Variants in SCAPER observed in about 807,000 individuals in gnomAD.
SCAPER encodes S-phase cyclin A associated protein in the ER, also known as S phase cyclin A-associated protein in the endoplasmic reticulum.
Under a neutral mutation model 182.2 loss-of-function variants are expected in SCAPER, and 98 were observed. That is an observed-to-expected ratio of 0.54 (90% CI 0.46 to 0.64). The LOEUF is 0.64. Ranked by LOEUF, SCAPER falls within the 30% of genes least tolerant of loss-of-function variation. SCAPER has a pLI of 0.00. For synonymous variants in SCAPER, 605 were observed against 564.6 expected, an observed-to-expected ratio of 1.07 and a Z score of -1.01; for missense variants, 1,432 against 1,690.0, an observed-to-expected ratio of 0.85 and a Z score of 2.68.
At chr15:76,563,732 T>C (rs2046821309) in intron 23 of SCAPER, among the ~76,000 whole-genome samples, 2 of 152,136 alleles carry the variant, frequency 1.3e-5, no homozygotes, top group South Asian at 2.1e-4. Context: ...GAGGCCAATA[T>C]CCTTGAAGAA....
chr15:76,723,336 G>A (rs1598376993), intron 17 of SCAPER, among the ~76,000 whole-genome samples: 1 of 152,154 alleles, frequency 6.6e-6, no homozygotes, highest in Non-Finnish European at 1.5e-5. Context: ...GCTGAGGAGT[G>A]TTTTACTTCC....
At chr15:76,571,943 A>G (rs1241677093) in intron 23 of SCAPER, among the ~76,000 whole-genome samples, 1 of 152,176 alleles carries the variant, frequency 6.6e-6, no homozygotes. Context: ...AAAGGATTTT[A>G]GTTATAAAAG....
chr15:76,567,261 T>C (rs2047104266), intron 23 of SCAPER: 1 of 441,420 alleles, frequency 2.3e-6, no homozygotes, highest in Non-Finnish European at 4.6e-6. Context: ...GTCCATTATA[T>C]GAACATACCA....
rs369400470 is a variant in SCAPER at position 76,787,818 on chromosome 15, A to C, written c.772+7462T>G. Reference sequence around the variant, plus strand: ...CTATGGGTAGACAATGAATTCTTAGACTTGATGACAAAAGTATGATCTATT... The same window carrying C: ...CTATGGGTAGACAATGAATTCTTAGCCTTGATGACAAAAGTATGATCTATT... On this transcript the variant is annotated intron_variant, in intron 8 of 31. Transcript: ENST00000563290. Among the ~76,000 whole-genome samples the C allele has an allele frequency of 4.1e-4, 62 of 152,336 alleles. 1 individual carries two copies. The East Asian group carries it at 0.012, about 28-fold the overall frequency.
At chr15:76,351,490 C>G (rs540441848) in intron 30 of SCAPER, among the ~76,000 whole-genome samples, 3 of 152,146 alleles carry the variant, frequency 2.0e-5, no homozygotes, top group Non-Finnish European at 4.4e-5. Context: ...AAATTATCAC[C>G]AGGGGACAAC....
intron 25 of SCAPER, among the ~76,000 whole-genome samples, chr15:76,453,935 G>A (rs2048546773): frequency 6.6e-6 from 1 of 152,110 alleles, no homozygotes; most frequent in Non-Finnish European, 1.5e-5. Context: ...TTAAAATACA[G>A]GGCATTATTT....
intron 28 of SCAPER, among the ~76,000 whole-genome samples, chr15:76,377,281 C>G (rs1319300209): frequency 6.6e-6 from 1 of 152,100 alleles, no homozygotes; most frequent in Non-Finnish European, 1.5e-5. Context: ...TTTAAGAGTG[C>G]CTTTTGTCTG....
At chr15:76,776,569 A>T (rs1375519988) in intron 8 of SCAPER, among the ~76,000 whole-genome samples, 1 of 152,086 alleles carries the variant, frequency 6.6e-6, no homozygotes, top group African/African-American at 2.4e-5. Flanking sequence ...GAGGCAGAAA[A>T]AGTAGTGGGG....
At chr15:76,826,179 T>C (rs948125459) in intron 5 of SCAPER, among the ~76,000 whole-genome samples, 2 of 152,048 alleles carry the variant, frequency 1.3e-5, no homozygotes, top group African/African-American at 2.4e-5. Context: ...CCAACAATGA[T>C]AGACTGGATT....
chr15:76,476,510 C>T (rs2050642520), intron 24 of SCAPER, among the ~76,000 whole-genome samples: 1 of 151,568 alleles, frequency 6.6e-6, no homozygotes, highest in Non-Finnish European at 1.5e-5. Flanking sequence ...CTCAATGCAG[C>T]CTGAAACTCC....
chr15:76,426,873 A>C (rs1415409000), intron 26 of SCAPER, among the ~76,000 whole-genome samples: 1 of 152,240 alleles, frequency 6.6e-6, no homozygotes, highest in East Asian at 1.9e-4. Context: ...AAACAGATAC[A>C]TAGACCAATG....
chr15:76,758,168 A>G (rs1424275101), intron 14 of SCAPER, among the ~76,000 whole-genome samples: 1 of 152,066 alleles, frequency 6.6e-6, no homozygotes, highest in Non-Finnish European at 1.5e-5. Context: ...TATCACCAAG[A>G]TCAATAAGGT....
intron 23 of SCAPER, among the ~76,000 whole-genome samples, chr15:76,560,386 G>A (rs2046524423): frequency 6.6e-6 from 1 of 152,154 alleles, no homozygotes. Flanking sequence ...CTCTTAACAG[G>A]TGCATTATAT....
At chr15:76,454,461 T>A (rs2048581699) in intron 25 of SCAPER, among the ~76,000 whole-genome samples, 1 of 152,182 alleles carries the variant, frequency 6.6e-6, no homozygotes, top group Non-Finnish European at 1.5e-5. Flanking sequence ...TCATTCCCCA[T>A]CTCCCTAACC....
At chr15:76,588,217 C>A (rs539111472) in intron 22 of SCAPER, among the ~76,000 whole-genome samples, 1 of 152,122 alleles carries the variant, frequency 6.6e-6, no homozygotes, top group African/African-American at 2.4e-5. Flanking sequence ...CCACCGCGCC[C>A]GGCCCTGTCT....
At chr15:76,559,820 T>A (rs2046469549) in intron 23 of SCAPER, among the ~76,000 whole-genome samples, 1 of 152,106 alleles carries the variant, frequency 6.6e-6, no homozygotes, top group African/African-American at 2.4e-5. Context: ...TGAAATAACC[T>A]GTACACCAAA....
At chr15:76,579,944 T>C (rs920541984) in intron 22 of SCAPER, among the ~76,000 whole-genome samples, 14 of 152,082 alleles carry the variant, frequency 9.2e-5, no homozygotes, top group Admixed American at 9.2e-4. Flanking sequence ...TATACAATAA[T>C]AAAAGGGTCA....
At chr15:76,425,131 C>T (rs2046332586) in intron 26 of SCAPER, among the ~76,000 whole-genome samples, 1 of 151,048 alleles carries the variant, frequency 6.6e-6, no homozygotes, top group Admixed American at 6.6e-5. Flanking sequence ...TCTTTGTGGC[C>T]GTCTGTATTT....
chr15:76,747,561 AG>A (rs2061861088), intron 15 of SCAPER, among the ~76,000 whole-genome samples: 1 of 152,128 alleles, frequency 6.6e-6, no homozygotes, highest in Non-Finnish European at 1.5e-5. Flanking sequence ...TTGGAGGTAG[AG>A]GCCTAATGGG....
Sources: gnomAD v4.1 joint callset for allele counts (sites outside exome capture counted in the v4.1 genomes callset) on GRCh38, gnomAD v4.1.1 for gene constraint, MANE v1.5 for transcripts, NCBI Gene and HGNC (gene_info 2026-07-23, HGNC 2026-07-21) for gene names.